The following EYS variants were observed in gnomAD, a reference collection of about 807,000 sequenced individuals.
EYS encodes EGF-like photoreceptor maintenance factor, also known as protein eyes shut homolog.
Under a neutral mutation model 282.1 loss-of-function variants are expected in EYS, and 250 were observed. The ratio of observed to expected loss-of-function variants is 0.89; its 90% CI spans 0.80 to 0.98. The LOEUF (loss-of-function observed/expected upper bound fraction) is 0.98, where lower values mean the gene tolerates loss of function less well. Among genes scored for constraint, EYS ranks in the 50% least tolerant of loss-of-function variants. The probability of loss-of-function intolerance (pLI) is 0.00; values close to 1 mark genes in which losing one functional copy is unlikely to be tolerated. For missense variants in EYS, 4,016 were observed against 3,709.0 expected, an observed-to-expected ratio of 1.08 and a Z score of -2.15; for synonymous variants, 1,355 against 1,282.9, an observed-to-expected ratio of 1.06 and a Z score of -1.20.
In EYS at chr6:63,798,217, C is replaced by G. The variant is rs1770694009; in HGVS notation, c.7411+7973G>C. On this transcript the variant is annotated intron_variant, in intron 37 of 42. Transcript: ENST00000503581. ...CTGTATATCTTTGTCATTTCTAACC[C>G]TGTTTGAATACTAGTCACATGTGAC... Among the ~76,000 whole-genome samples, 4 of 152,260 alleles carry G rather than the reference C, an allele frequency of 2.6e-5. No individual in the cohort carries two copies. The South Asian group carries it at 8.3e-4, about 32-fold the overall frequency.
At chr6:63,779,915 A>G (rs1411355990) in intron 39 of EYS, among the ~76,000 whole-genome samples, 1 of 152,058 alleles carries the variant, frequency 6.6e-6, no homozygotes, top group Non-Finnish European at 1.5e-5. Context: ...ACCCCATGAC[A>G]GGCCCCAGTG....
chr6:65,582,408 T>C (rs1255167865), intron 2 of EYS, among the ~76,000 whole-genome samples: 1 of 152,088 alleles, frequency 6.6e-6, no homozygotes, highest in African/African-American at 2.4e-5. Flanking sequence ...AGTTTTAAGA[T>C]TGTCTAACGA....
At chr6:64,415,858 T>C (rs193114789) in intron 28 of EYS, among the ~76,000 whole-genome samples, 3 of 152,292 alleles carry the variant, frequency 2.0e-5, no homozygotes, top group Non-Finnish European at 4.4e-5. Flanking sequence ...TTGGAAAAAC[T>C]TCATTTGATT....
intron 11 of EYS, among the ~76,000 whole-genome samples, chr6:65,323,561 A>C (rs1371883838): frequency 2.0e-5 from 3 of 148,348 alleles, no homozygotes; most frequent in Admixed American, 6.8e-5. Context: ...CATTTAATCC[A>C]TACCGTGATT....
intron 22 of EYS, among the ~76,000 whole-genome samples, chr6:64,700,432 G>A (rs1273715416): frequency 6.6e-6 from 1 of 151,966 alleles, no homozygotes. Context: ...TTGGAAAAGA[G>A]GAAGTCAAAT....
chr6:63,812,421 T>C lies in EYS; in HGVS notation c.7229-6049A>G, dbSNP rs113458366. On this transcript the variant is annotated intron_variant, in intron 36 of 42. Transcript: ENST00000503581. ...ATTAATCTCCTATTAAAGTAGTAAC[T>C]CCTTGTGCCCTGCCCTTCCCAACCC... Among the ~76,000 whole-genome samples the C allele has an allele frequency of 7.0e-3, 1,070 of 152,270 alleles. 15 individuals carry two copies. Among genetic ancestry groups the C allele is most frequent in the South Asian group, 0.024 (115 of 4,830 alleles).
At chr6:65,499,470 G>A (rs1349669431) in intron 2 of EYS, among the ~76,000 whole-genome samples, 1 of 151,906 alleles carries the variant, frequency 6.6e-6, no homozygotes, top group Non-Finnish European at 1.5e-5. Context: ...CTACATACCT[G>A]ATATTTTTCA....
At chr6:65,483,091 T>G (rs1242973086) in intron 5 of EYS, among the ~76,000 whole-genome samples, 4 of 152,132 alleles carry the variant, frequency 2.6e-5, no homozygotes, top group Non-Finnish European at 5.9e-5. Context: ...ACATTTCAAA[T>G]TTGGGATTAC....
At chr6:65,337,179 T>C (rs1015410171) in intron 10 of EYS, among the ~76,000 whole-genome samples, 10 of 151,516 alleles carry the variant, frequency 6.6e-5, no homozygotes, top group Non-Finnish European at 1.0e-4. Flanking sequence ...ACTTTCTACA[T>C]AGAGCTCAAA....
At chr6:64,491,115 G>C (rs1220767196) in intron 26 of EYS, among the ~76,000 whole-genome samples, 1 of 150,796 alleles carries the variant, frequency 6.6e-6, no homozygotes, top group Non-Finnish European at 1.5e-5. Flanking sequence ...ATAAGAAGAA[G>C]AATATCATCC....
intron 22 of EYS, among the ~76,000 whole-genome samples, chr6:64,721,520 GC>G (rs1771580743): frequency 6.6e-6 from 1 of 152,022 alleles, no homozygotes; most frequent in Admixed American, 6.6e-5. Flanking sequence ...TTTATTGATG[GC>G]CTCAAATGGG....
chr6:65,591,515 C>T (rs911189727), intron 2 of EYS, among the ~76,000 whole-genome samples: 1 of 151,884 alleles, frequency 6.6e-6, no homozygotes, highest in Admixed American at 6.6e-5. Context: ...ATTATCTTTT[C>T]TCTTTCTCTT....
chr6:64,292,220 G>A (rs1028370755), intron 30 of EYS, among the ~76,000 whole-genome samples: 3 of 152,002 alleles, frequency 2.0e-5, no homozygotes, highest in Admixed American at 1.3e-4. Flanking sequence ...TGTGTAACAC[G>A]GCAGAGGCAC....
chr6:64,635,151 G>C (rs1361136499), intron 22 of EYS, among the ~76,000 whole-genome samples: 3 of 152,090 alleles, frequency 2.0e-5, no homozygotes. Context: ...TAAGAATGCT[G>C]GTGATTTTTG....
At chr6:65,642,028 G>A (rs1013326060) in intron 1 of EYS, among the ~76,000 whole-genome samples, 1 of 151,998 alleles carries the variant, frequency 6.6e-6, no homozygotes, top group East Asian at 1.9e-4. Flanking sequence ...ACACTAGATT[G>A]TAAAGTCCTT....
chr6:64,545,382 G>T (rs1230052995), intron 26 of EYS, among the ~76,000 whole-genome samples: 1 of 152,040 alleles, frequency 6.6e-6, no homozygotes, highest in African/African-American at 2.4e-5. Flanking sequence ...AAAATAATAA[G>T]AGCTATCTAT....
At chr6:65,685,442 T>C (rs1363319522) in intron 1 of EYS, among the ~76,000 whole-genome samples, 3 of 152,058 alleles carry the variant, frequency 2.0e-5, no homozygotes, top group Non-Finnish European at 4.4e-5. Flanking sequence ...AGAATTACCA[T>C]AATAAAATTT....
chr6:64,511,235 T>TATCA (rs1777385531), intron 26 of EYS, among the ~76,000 whole-genome samples: 2 of 148,142 alleles, frequency 1.4e-5, no homozygotes, highest in South Asian at 2.1e-4. Context: ...CATATATATA[T>TATCA]ATCATATATA....
intron 35 of EYS, among the ~76,000 whole-genome samples, chr6:63,916,219 C>A (rs569064132): frequency 6.6e-6 from 1 of 152,288 alleles, no homozygotes; most frequent in East Asian, 1.9e-4. Flanking sequence ...CCTCTACCTG[C>A]GGAAAGATGA....
Sources: allele counts gnomAD v4.1 joint callset (sites outside exome capture counted in the v4.1 genomes callset), GRCh38; gene constraint gnomAD v4.1.1; transcripts MANE v1.5; gene names NCBI Gene and HGNC (gene_info 2026-07-23, HGNC 2026-07-21).